Variants in CHST11 observed in about 807,000 individuals in gnomAD.
The protein encoded by CHST11 is carbohydrate sulfotransferase 11.
Under a neutral mutation model 30.4 loss-of-function variants are expected in CHST11, and 9 were observed. That is an observed-to-expected ratio of 0.30 (90% CI 0.18 to 0.52). CHST11 has a LOEUF of 0.52. CHST11 is among the 20% of genes least tolerant of loss of function. The probability of loss-of-function intolerance (pLI) is 0.97; values close to 1 mark genes in which losing one functional copy is unlikely to be tolerated. For synonymous variants in CHST11, 152 were observed against 187.8 expected (o/e 0.81, Z 1.56); for missense variants, 348 against 460.6 (o/e 0.76, Z 2.24).
At chr12:104,608,293 C>T (rs1245843425) in intron 2 of CHST11, among the ~76,000 whole-genome samples, 1 of 152,140 alleles carries the variant, frequency 6.6e-6, no homozygotes, top group Non-Finnish European at 1.5e-5. Context: ...AAAGAGAAAG[C>T]AGATAAGCTA....
intron 2 of CHST11, among the ~76,000 whole-genome samples, chr12:104,666,390 G>A (rs952400463): frequency 6.6e-6 from 1 of 152,116 alleles, no homozygotes; most frequent in Non-Finnish European, 1.5e-5. Context: ...AGAAGATTGG[G>A]GTTATTGTGA....
At chr12:104,544,445 G>T (rs575826813) in intron 1 of CHST11, among the ~76,000 whole-genome samples, 1 of 152,058 alleles carries the variant, frequency 6.6e-6, no homozygotes, top group Admixed American at 6.5e-5. Flanking sequence ...GGCCGGGCAC[G>T]GTGGCTTACA....
At chr12:104,658,714 G>A (rs771262852) in intron 2 of CHST11, among the ~76,000 whole-genome samples, 1 of 152,068 alleles carries the variant, frequency 6.6e-6, no homozygotes, top group African/African-American at 2.4e-5. Context: ...AATAACCCCC[G>A]CATCTGTACC....
chr12:104,567,873 G>A (rs991538003), intron 1 of CHST11, among the ~76,000 whole-genome samples: 1 of 152,198 alleles, frequency 6.6e-6, no homozygotes, highest in African/African-American at 2.4e-5. Flanking sequence ...TCACCCCTCT[G>A]CCATGTGAAG....
chr12:104,532,193 T>A (rs2038192195), intron 1 of CHST11, among the ~76,000 whole-genome samples: 1 of 152,220 alleles, frequency 6.6e-6, no homozygotes, highest in African/African-American at 2.4e-5. Flanking sequence ...GACTTGAAGT[T>A]GCCCATGTCA....
At chr12:104,626,696 GA>G (rs2136064411) in intron 2 of CHST11, among the ~76,000 whole-genome samples, 2 of 151,336 alleles carry the variant, frequency 1.3e-5, no homozygotes, top group South Asian at 4.2e-4. Context: ...TAATAGACTT[GA>G]TTTTTTTTTT....
intron 1 of CHST11, among the ~76,000 whole-genome samples, chr12:104,470,169 G>A (rs1434635939): frequency 6.6e-6 from 1 of 152,224 alleles, no homozygotes; most frequent in Non-Finnish European, 1.5e-5. Flanking sequence ...GAATAGGCCA[G>A]CTCAAAATAT....
chr12:104,739,634 A>AT (rs907925420), intron 2 of CHST11, among the ~76,000 whole-genome samples: 63 of 152,226 alleles, frequency 4.1e-4, no homozygotes, highest in African/African-American at 1.2e-3. Flanking sequence ...AAAGAACTCT[A>AT]TTTTTTTCAT....
chr12:104,655,116 A>ACATT (rs1181805351), intron 2 of CHST11, among the ~76,000 whole-genome samples: 2 of 152,206 alleles, frequency 1.3e-5, no homozygotes, highest in East Asian at 3.9e-4. Context: ...TGGTGAGGGC[A>ACATT]CATTCATGTC....
At chr12:104,571,404 C>T (rs2038624692) in intron 1 of CHST11, among the ~76,000 whole-genome samples, 1 of 152,114 alleles carries the variant, frequency 6.6e-6, no homozygotes, top group African/African-American at 2.4e-5. Flanking sequence ...CTCAGGTGAT[C>T]CGCCCGCTTC....
Position 104,457,491 on chromosome 12 carries a change from T to C in CHST11, c.80T>C (p.Ile27Thr). 1 of 1,614,094 alleles carries C rather than the reference T, an allele frequency of 6.2e-7. No homozygotes were observed. The highest frequency in any genetic ancestry group is 8.5e-7 in the Non-Finnish European group (1 of 1,179,908). The change falls in exon 1 of 3, where the codon ATC becomes ACC. Residue 27 changes from isoleucine to threonine, a missense_variant. By Grantham distance (89) the Ile-to-Thr change is moderately conservative (BLOSUM62 -1). This residue lies in a region of CHST11 where 135 missense variants were observed against 155.8 expected (regional missense o/e 0.87). Transcript: ENST00000303694. ...MVLATCLGSF[I>T]LVIFYFQSML... Reference sequence around the variant, plus strand: ...CTGGCCACTTGCTTGGGATCCTTTATCCTGGTCATCTTCTATTTCCAAAGT... The same window carrying C: ...CTGGCCACTTGCTTGGGATCCTTTACCCTGGTCATCTTCTATTTCCAAAGT...
chr12:104,551,019 T>C (rs2038399186), intron 1 of CHST11, among the ~76,000 whole-genome samples: 1 of 152,154 alleles, frequency 6.6e-6, no homozygotes, highest in Non-Finnish European at 1.5e-5. Flanking sequence ...GTGCTGATGG[T>C]CCGTACTTGA....
At chr12:104,459,520 A>G (rs1565949188) in intron 1 of CHST11, among the ~76,000 whole-genome samples, 1 of 152,236 alleles carries the variant, frequency 6.6e-6, no homozygotes, top group Non-Finnish European at 1.5e-5. Context: ...TGTACCTGTT[A>G]ATTGCCCAGG....
intron 1 of CHST11, among the ~76,000 whole-genome samples, chr12:104,530,543 A>G (rs1288850342): frequency 1.3e-5 from 2 of 152,256 alleles, no homozygotes; most frequent in Non-Finnish European, 2.9e-5. Flanking sequence ...ACTAGAGCAT[A>G]AAGTCTTAGC....
intron 2 of CHST11, among the ~76,000 whole-genome samples, chr12:104,643,232 G>A (rs1258733816): frequency 6.6e-6 from 1 of 152,238 alleles, no homozygotes; most frequent in African/African-American, 2.4e-5. Context: ...GGAGGCTGAG[G>A]CGGGAGGATA....
At chr12:104,753,535 C>T (rs1323759757) in intron 2 of CHST11, among the ~76,000 whole-genome samples, 2 of 152,222 alleles carry the variant, frequency 1.3e-5, no homozygotes, top group African/African-American at 4.8e-5. Context: ...TAAAAAATAG[C>T]ATCACTGGAG....
chr12:104,523,074 C>T (rs2038089233), intron 1 of CHST11, among the ~76,000 whole-genome samples: 1 of 152,194 alleles, frequency 6.6e-6, no homozygotes, highest in African/African-American at 2.4e-5. Flanking sequence ...GAATTTGCTT[C>T]TTAAAAAGGC....
At chr12:104,635,193 GC>G (rs1220893295) in intron 2 of CHST11, among the ~76,000 whole-genome samples, 3 of 152,068 alleles carry the variant, frequency 2.0e-5, no homozygotes, top group Admixed American at 1.3e-4. Context: ...CCCACGAGGG[GC>G]CTCCGCACAC....
chr12:104,592,045 G>T (rs2038864075), intron 1 of CHST11, among the ~76,000 whole-genome samples: 1 of 151,856 alleles, frequency 6.6e-6, no homozygotes, highest in Non-Finnish European at 1.5e-5. Flanking sequence ...GCAAAATGGG[G>T]TTAGGGATGA....
Sources: allele counts gnomAD v4.1 joint callset (sites outside exome capture counted in the v4.1 genomes callset), GRCh38; gene constraint gnomAD v4.1.1; regional missense constraint gnomAD v4.1.1; transcripts MANE v1.5; gene names NCBI Gene and HGNC (gene_info 2026-07-23, HGNC 2026-07-21).